The following GPC5 variants were observed in gnomAD, a reference collection of about 807,000 sequenced individuals.
GPC5 encodes glypican-5.
Under a neutral mutation model 53.9 loss-of-function variants are expected in GPC5, and 47 were observed. The observed-to-expected ratio is 0.87, with a 90% CI of 0.69 to 1.11. The LOEUF (loss-of-function observed/expected upper bound fraction) is 1.11. GPC5 is among the 50% of genes most tolerant of loss of function. The probability of loss-of-function intolerance (pLI) is 0.00; values close to 1 mark genes in which losing one functional copy is unlikely to be tolerated. For missense variants in GPC5, 748 were observed against 713.1 expected, an observed-to-expected ratio of 1.05 and a Z score of -0.56; for synonymous variants, 286 against 263.3, an observed-to-expected ratio of 1.09 and a Z score of -0.84.
At chr13:91,606,614 T>C in intron 2 of GPC5, among the ~76,000 whole-genome samples, 1 of 149,132 alleles carries the variant, frequency 6.7e-6, no homozygotes. Flanking sequence ...AAGCTATTGA[T>C]TATTGCCACA....
At chr13:92,197,569 C>T (rs2042265681) in intron 7 of GPC5, among the ~76,000 whole-genome samples, 7 of 152,106 alleles carry the variant, frequency 4.6e-5, no homozygotes, top group Admixed American at 4.6e-4. Context: ...ACAACCTCAG[C>T]TCATGGCAGC....
intron 7 of GPC5, among the ~76,000 whole-genome samples, chr13:92,536,072 A>T (rs1407058123): frequency 3.3e-5 from 5 of 152,176 alleles, no homozygotes; most frequent in Admixed American, 3.3e-4. Context: ...TGAAAAATGG[A>T]TGAGTGTTAC....
intron 5 of GPC5, among the ~76,000 whole-genome samples, chr13:91,892,222 G>C (rs1467735539): frequency 3.3e-5 from 5 of 151,538 alleles, no homozygotes; most frequent in Admixed American, 3.3e-4. Context: ...TTTTACTTCA[G>C]GACAAACATT....
At chr13:91,559,878 C>T (rs1217244152) in intron 2 of GPC5, among the ~76,000 whole-genome samples, 1 of 151,996 alleles carries the variant, frequency 6.6e-6, no homozygotes, top group African/African-American at 2.4e-5. Context: ...AGACTATAAC[C>T]CAGGGGTAGA....
intron 3 of GPC5, among the ~76,000 whole-genome samples, chr13:91,706,161 G>A (rs1030358934): frequency 5.9e-5 from 9 of 151,540 alleles, no homozygotes; most frequent in Admixed American, 2.6e-4. Context: ...TTACAGGCAT[G>A]AGCCACCGCA....
chr13:92,489,772 G>A (rs947817111), intron 7 of GPC5, among the ~76,000 whole-genome samples: 1 of 151,934 alleles, frequency 6.6e-6, no homozygotes, highest in Non-Finnish European at 1.5e-5. Context: ...AGTAGTTGGA[G>A]GTACAGACAG....
At chr13:91,508,029 G>C (rs1885034976) in intron 2 of GPC5, among the ~76,000 whole-genome samples, 1 of 152,130 alleles carries the variant, frequency 6.6e-6, no homozygotes, top group Admixed American at 6.5e-5. Context: ...CTTTGAATGA[G>C]AGATGTAGCA....
At chr13:92,067,331 T>A (rs2138860562) in intron 6 of GPC5, among the ~76,000 whole-genome samples, 1 of 152,154 alleles carries the variant, frequency 6.6e-6, no homozygotes, top group South Asian at 2.1e-4. Context: ...AAATAGTAGT[T>A]ACAAAGATTG....
chr13:91,881,423 T>A (rs1189989111), intron 5 of GPC5, among the ~76,000 whole-genome samples: 2 of 152,082 alleles, frequency 1.3e-5, no homozygotes, highest in Non-Finnish European at 2.9e-5. Context: ...TTATGTGAGG[T>A]CATCAGTCAA....
In GPC5 at chr13:92,364,466, T is replaced by TA. The variant is rs1244851280; in HGVS notation, c.1561+219478dup. Among the ~76,000 whole-genome samples the TA allele has an allele frequency of 5.3e-5, 8 of 151,782 alleles. 1 individual carries two copies. Among genetic ancestry groups the TA allele is most frequent in the African/African-American group, 1.7e-4 (7 of 41,056 alleles). ...GCATTTTTGGCCAGGCGCGGTGGCT[T>TA]ACGCCTGTAATCCCAGCACTTTGGG... On this transcript the variant is annotated intron_variant, in intron 7 of 7. Coordinates refer to ENST00000377067, the MANE Select transcript of GPC5 (RefSeq NM_004466.6).
chr13:92,824,474 G>A (rs1809508723), intron 7 of GPC5, among the ~76,000 whole-genome samples: 1 of 152,066 alleles, frequency 6.6e-6, no homozygotes, highest in South Asian at 2.1e-4. Flanking sequence ...TTCACAGGAA[G>A]CCCTGTAGAC....
chr13:92,090,862 A>G (rs2041374636), intron 6 of GPC5, among the ~76,000 whole-genome samples: 1 of 152,226 alleles, frequency 6.6e-6, no homozygotes, highest in Non-Finnish European at 1.5e-5. Context: ...AAATATCCAA[A>G]AAATTTTTGT....
intron 2 of GPC5, among the ~76,000 whole-genome samples, chr13:91,629,070 A>G (rs2034086811): frequency 2.0e-5 from 3 of 152,194 alleles, no homozygotes; most frequent in South Asian, 4.1e-4. Flanking sequence ...CTTCTGCCAC[A>G]TGGAAGGAGC....
At chr13:92,642,976 A>T (rs1380360893) in intron 7 of GPC5, among the ~76,000 whole-genome samples, 1 of 152,100 alleles carries the variant, frequency 6.6e-6, no homozygotes, top group African/African-American at 2.4e-5. Context: ...GCTCTTGAAA[A>T]CTTGAGTAAG....
intron 2 of GPC5, among the ~76,000 whole-genome samples, chr13:91,686,841 A>G (rs1179382192): frequency 6.6e-6 from 1 of 151,990 alleles, no homozygotes; most frequent in Non-Finnish European, 1.5e-5. Flanking sequence ...GTAGTAATGA[A>G]TTATCCATTG....
intron 7 of GPC5, among the ~76,000 whole-genome samples, chr13:92,283,592 T>C (rs1311166520): frequency 6.6e-6 from 1 of 152,144 alleles, no homozygotes; most frequent in Non-Finnish European, 1.5e-5. Flanking sequence ...AGAAACTCCC[T>C]CAAAACCGCT....
intron 2 of GPC5, among the ~76,000 whole-genome samples, chr13:91,621,281 T>C (rs1594342500): frequency 1.3e-5 from 2 of 152,112 alleles, no homozygotes; most frequent in African/African-American, 4.8e-5. Flanking sequence ...ATCTGTTTTA[T>C]TTGCCTGCCT....
chr13:92,843,032 T>G (rs1878484332), intron 7 of GPC5, among the ~76,000 whole-genome samples: 1 of 152,208 alleles, frequency 6.6e-6, no homozygotes, highest in East Asian at 1.9e-4. Flanking sequence ...CCAGACATTT[T>G]TCCTGCTTTG....
intron 7 of GPC5, among the ~76,000 whole-genome samples, chr13:92,753,454 C>A (rs1874689269): frequency 6.6e-6 from 1 of 152,322 alleles, no homozygotes; most frequent in Non-Finnish European, 1.5e-5. Flanking sequence ...CAGTTCCTCA[C>A]CAGCAAGGGA....
Sources: gnomAD v4.1 joint callset for allele counts (sites outside exome capture counted in the v4.1 genomes callset) on GRCh38, gnomAD v4.1.1 for gene constraint, MANE v1.5 for transcripts, NCBI Gene and HGNC (gene_info 2026-07-23, HGNC 2026-07-21) for gene names.